ATXN7L1: variants seen among roughly 807,000 people sequenced by gnomAD.
ATXN7L1 encodes ataxin 7 like 1, also known as ataxin-7-like protein 1.
In ATXN7L1, 15 loss-of-function variants were observed where a neutral mutation model predicts 70.8. That is an observed-to-expected ratio of 0.21 (90% CI 0.14 to 0.33). The LOEUF (loss-of-function observed/expected upper bound fraction) is 0.33. Ranked by LOEUF, ATXN7L1 falls within the 10% of genes least tolerant of loss-of-function variation. ATXN7L1 has a pLI of 1.00. For missense variants in ATXN7L1, 975 were observed against 1,097.1 expected, an observed-to-expected ratio of 0.89 and a Z score of 1.57; for synonymous variants, 440 against 445.1, an observed-to-expected ratio of 0.99 and a Z score of 0.14.
chr7:105,649,900 T>C (rs1197816801), intron 4 of ATXN7L1, among the ~76,000 whole-genome samples: 1 of 152,224 alleles, frequency 6.6e-6, no homozygotes, highest in African/African-American at 2.4e-5. Context: ...CCTATGTGCT[T>C]ATGCTGCTGG....
intron 4 of ATXN7L1, among the ~76,000 whole-genome samples, chr7:105,663,515 T>C (rs536623223): frequency 6.6e-6 from 1 of 152,352 alleles, no homozygotes; most frequent in South Asian, 2.1e-4. Flanking sequence ...GAACACTTTT[T>C]TTCTTTAAAT....
chr7:105,694,335 T>A (rs1453698182), intron 3 of ATXN7L1, among the ~76,000 whole-genome samples: 1 of 152,166 alleles, frequency 6.6e-6, no homozygotes, highest in Non-Finnish European at 1.5e-5. Context: ...TGTGAGCCAC[T>A]GCACCTGGCT....
intron 4 of ATXN7L1, among the ~76,000 whole-genome samples, chr7:105,658,745 GC>G (rs1801099137): frequency 6.6e-6 from 1 of 152,032 alleles, no homozygotes; most frequent in Non-Finnish European, 1.5e-5. Flanking sequence ...TGTTGGCTAG[GC>G]TGGTCTCGAA....
intron 2 of ATXN7L1, among the ~76,000 whole-genome samples, chr7:105,812,581 A>G (rs1452701977): frequency 6.6e-6 from 1 of 152,220 alleles, no homozygotes; most frequent in African/African-American, 2.4e-5. Context: ...GGACAGGGGC[A>G]GGAAAGAAGC....
chr7:105,845,440 A>T (rs12672355), intron 2 of ATXN7L1, among the ~76,000 whole-genome samples: 1 of 148,436 alleles, frequency 6.7e-6, no homozygotes, highest in African/African-American at 2.5e-5. Context: ...GCGTTGGAAG[A>T]CCTAATGTTG....
At chr7:105,819,886 A>G (rs953065938) in intron 2 of ATXN7L1, 4 of 575,678 alleles carry the variant, frequency 6.9e-6, no homozygotes, top group East Asian at 4.4e-5. Context: ...GAAGCCTACA[A>G]GAAACTTTGC....
chr7:105,817,996 G>A (rs887534720), intron 2 of ATXN7L1, among the ~76,000 whole-genome samples: 16 of 151,950 alleles, frequency 1.1e-4, no homozygotes, highest in African/African-American at 3.9e-4. Context: ...TGATGTTTTT[G>A]GAAATTAGAA....
chr7:105,819,834 A>T (rs1384028298), intron 2 of ATXN7L1: 1 of 624,188 alleles, frequency 1.6e-6, no homozygotes, highest in Non-Finnish European at 3.1e-6. Context: ...ATGACATGAA[A>T]AAGCGGATGG....
intron 3 of ATXN7L1, among the ~76,000 whole-genome samples, chr7:105,695,745 A>G (rs1791621956): frequency 6.6e-6 from 1 of 152,162 alleles, no homozygotes; most frequent in African/African-American, 2.4e-5. Context: ...GTCACTGAAA[A>G]TATTGGACCA....
chr7:105,810,936 A>G (rs1419069087), intron 2 of ATXN7L1, among the ~76,000 whole-genome samples: 1 of 152,172 alleles, frequency 6.6e-6, no homozygotes, highest in East Asian at 1.9e-4. Context: ...CTAGATGTGG[A>G]TGGGAGAAAA....
chr7:105,763,039 G>A (rs940431475), intron 3 of ATXN7L1, among the ~76,000 whole-genome samples: 3 of 152,164 alleles, frequency 2.0e-5, no homozygotes, highest in Non-Finnish European at 4.4e-5. Flanking sequence ...CCTCATGAGA[G>A]ACTCTGAGCC....
chr7:105,732,451 T>C (rs1796683411), intron 3 of ATXN7L1, among the ~76,000 whole-genome samples: 1 of 152,158 alleles, frequency 6.6e-6, no homozygotes, highest in Admixed American at 6.5e-5. Flanking sequence ...ATATGAATTA[T>C]GGATTTTTTT....
intron 2 of ATXN7L1, among the ~76,000 whole-genome samples, chr7:105,790,407 C>T (rs1304848960): frequency 1.3e-5 from 2 of 151,954 alleles, no homozygotes; most frequent in Non-Finnish European, 2.9e-5. Flanking sequence ...GTGAGACCCC[C>T]ATCTCTACGA....
At chr7:105,807,074 G>A (rs1308555555) in intron 2 of ATXN7L1, among the ~76,000 whole-genome samples, 1 of 152,192 alleles carries the variant, frequency 6.6e-6, no homozygotes, top group Non-Finnish European at 1.5e-5. Flanking sequence ...CAAGCTTCCT[G>A]TGCATGGATG....
intron 3 of ATXN7L1, among the ~76,000 whole-genome samples, chr7:105,747,041 A>G (rs1798666484): frequency 1.3e-5 from 2 of 152,244 alleles, no homozygotes; most frequent in Admixed American, 1.3e-4. Context: ...ATTGTGAACT[A>G]TATATTTGGT....
intron 3 of ATXN7L1, among the ~76,000 whole-genome samples, chr7:105,710,031 C>G (rs116078933): frequency 6.6e-6 from 1 of 151,724 alleles, no homozygotes; most frequent in Non-Finnish European, 1.5e-5. Context: ...TGTCACCACA[C>G]CTGGCTAATT....
intron 9 of ATXN7L1, among the ~76,000 whole-genome samples, chr7:105,619,157 T>TTTTTTTTTG (rs1794419479): frequency 8.1e-6 from 1 of 124,050 alleles, no homozygotes; most frequent in Non-Finnish European, 1.7e-5. Context: ...TTTTTTTTTT[T>TTTTTTTTTG]TTTTTTTTGA....
At chr7:105,717,552 G>A (rs191160738) in intron 3 of ATXN7L1, among the ~76,000 whole-genome samples, 3 of 152,254 alleles carry the variant, frequency 2.0e-5, no homozygotes, top group Admixed American at 2.0e-4. Context: ...AGGCATGCTT[G>A]TACGCAATTT....
At chr7:105,653,846 C>T (rs114655716) in intron 4 of ATXN7L1, among the ~76,000 whole-genome samples, 269 of 152,140 alleles carry the variant, frequency 1.8e-3, no homozygotes, top group Middle Eastern at 6.8e-3. Flanking sequence ...TTCTGTGGGC[C>T]GGGCTCTCCT....
Sources: allele counts gnomAD v4.1 joint callset (sites outside exome capture counted in the v4.1 genomes callset), GRCh38; gene constraint gnomAD v4.1.1; transcripts MANE v1.5; gene names NCBI Gene and HGNC (gene_info 2026-07-23, HGNC 2026-07-21).